Variants in WWOX observed in about 807,000 individuals in gnomAD.
WWOX encodes the protein WW domain containing oxidoreductase, also known as WW domain-containing oxidoreductase.
A neutral mutation model predicts 46.2 loss-of-function variants in WWOX; 69 were observed. The observed-to-expected ratio is 1.49, with a 90% CI of 1.23 to 1.82. WWOX has a LOEUF of 1.82. Ranked by LOEUF, WWOX falls within the 40% of genes most tolerant of loss-of-function variation. WWOX has a pLI of 0.00. For missense variants in WWOX, 919 were observed against 542.6 expected (o/e 1.69, Z -6.89); for synonymous variants, 359 against 202.6 (o/e 1.77, Z -6.56).
intron 8 of WWOX, among the ~76,000 whole-genome samples, chr16:78,545,813 C>A (rs1428475034): frequency 6.6e-6 from 1 of 152,204 alleles, no homozygotes; most frequent in South Asian, 2.1e-4. Flanking sequence ...CGGCCGCCTT[C>A]TTGCTCTGTC....
intron 8 of WWOX, among the ~76,000 whole-genome samples, chr16:78,904,222 T>C (rs558921751): frequency 6.7e-6 from 1 of 149,788 alleles, no homozygotes; most frequent in Non-Finnish European, 1.5e-5. Flanking sequence ...ACTTAGATGA[T>C]CTTATAAATG....
At chr16:78,833,079 T>G (rs1480094419) in intron 8 of WWOX, among the ~76,000 whole-genome samples, 1 of 151,798 alleles carries the variant, frequency 6.6e-6, no homozygotes, top group African/African-American at 2.4e-5. Flanking sequence ...TCTTGCTCTT[T>G]TGCCCAGGCT....
chr16:78,512,174 T>C (rs1479908691), intron 8 of WWOX, among the ~76,000 whole-genome samples: 1 of 152,154 alleles, frequency 6.6e-6, no homozygotes, highest in African/African-American at 2.4e-5. Context: ...TGGTGTTTCC[T>C]CAGAATGGTG....
chr16:78,686,886 T>C (rs1597445536), intron 8 of WWOX, among the ~76,000 whole-genome samples: 1 of 152,332 alleles, frequency 6.6e-6, no homozygotes, highest in East Asian at 1.9e-4. Flanking sequence ...AAAGGCATTT[T>C]TCTGTTGACT....
chr16:78,934,093 T>C (rs892151268), intron 8 of WWOX, among the ~76,000 whole-genome samples: 3 of 151,862 alleles, frequency 2.0e-5, no homozygotes, highest in African/African-American at 7.3e-5. Context: ...CCCAGCACTT[T>C]CGGAGGCCTA....
In WWOX at chr16:79,073,340, C is replaced by T. The variant is rs1232881063; in HGVS notation, c.1057-138268C>T. ...GATTACAGGTGCACGCCGCCATGCC[C>T]GGCTACTTTTTGTATTTTTAGTGGA... On this transcript the variant is annotated intron_variant, in intron 8 of 8. Coordinates refer to ENST00000566780, the MANE Select transcript of WWOX (RefSeq NM_016373.4). 8.6e-5 allele frequency among the ~76,000 whole-genome samples: 13 copies of T among 151,918 alleles called. No individual in the cohort carries two copies. In the East Asian group the frequency reaches 9.7e-4, roughly 11 times the overall value.
chr16:78,906,036 T>C (rs2044955027), intron 8 of WWOX, among the ~76,000 whole-genome samples: 1 of 152,218 alleles, frequency 6.6e-6, no homozygotes, highest in South Asian at 2.1e-4. Context: ...GATGGATGAA[T>C]GAATGAATGA....
chr16:78,921,905 G>A (rs945174011), intron 8 of WWOX, among the ~76,000 whole-genome samples: 2 of 152,196 alleles, frequency 1.3e-5, no homozygotes, highest in African/African-American at 4.8e-5. Context: ...TACAGTTACA[G>A]TTTATTACAG....
intron 8 of WWOX, among the ~76,000 whole-genome samples, chr16:78,861,325 A>C (rs955788383): frequency 6.6e-6 from 1 of 152,150 alleles, no homozygotes; most frequent in Non-Finnish European, 1.5e-5. Context: ...TCCACCTATT[A>C]ACTTATTCAC....
chr16:79,018,623 A>C (rs974865166), intron 8 of WWOX, among the ~76,000 whole-genome samples: 1 of 152,174 alleles, frequency 6.6e-6, no homozygotes, highest in African/African-American at 2.4e-5. Context: ...AGACACCACC[A>C]TTTCAAAGCC....
intron 5 of WWOX, among the ~76,000 whole-genome samples, chr16:78,350,435 T>G (rs998529122): frequency 8.3e-6 from 1 of 120,820 alleles, no homozygotes; most frequent in East Asian, 1.9e-4. Flanking sequence ...GGCATCCTTT[T>G]CCCCACTTCC....
intron 5 of WWOX, among the ~76,000 whole-genome samples, chr16:78,247,703 C>T (rs1453463689): frequency 1.3e-5 from 2 of 152,198 alleles, no homozygotes; most frequent in Non-Finnish European, 2.9e-5. Flanking sequence ...GTCCGTGGAT[C>T]ACCTCACTGT....
At chr16:78,333,916 C>G (rs1424011409) in intron 5 of WWOX, among the ~76,000 whole-genome samples, 2 of 150,092 alleles carry the variant, frequency 1.3e-5, no homozygotes, top group East Asian at 3.9e-4. Context: ...ATCATCTCCT[C>G]CCCCTCTTCT....
intron 5 of WWOX, among the ~76,000 whole-genome samples, chr16:78,230,985 C>T (rs139067009): frequency 9.8e-5 from 15 of 152,346 alleles, no homozygotes; most frequent in East Asian, 3.9e-4. Flanking sequence ...CCCTTATTTA[C>T]GCACTGACTG....
chr16:78,619,320 C>G (rs947172253), intron 8 of WWOX, among the ~76,000 whole-genome samples: 1 of 128,000 alleles, frequency 7.8e-6, no homozygotes, highest in African/African-American at 3.0e-5. Context: ...GCTGAGATCG[C>G]CACTGCACTC....
chr16:78,793,344 A>T (rs1258833133), intron 8 of WWOX, among the ~76,000 whole-genome samples: 7 of 152,178 alleles, frequency 4.6e-5, no homozygotes, highest in Non-Finnish European at 7.4e-5. Context: ...TCCAGGCGTG[A>T]GTCACCATGC....
chr16:78,724,083 C>T (rs1410435780), intron 8 of WWOX, among the ~76,000 whole-genome samples: 5 of 152,128 alleles, frequency 3.3e-5, no homozygotes, highest in African/African-American at 7.2e-5. Context: ...AACCTCTTTA[C>T]CTTGGCAAAA....
intron 5 of WWOX, among the ~76,000 whole-genome samples, chr16:78,291,207 C>A (rs1441836476): frequency 6.6e-6 from 1 of 152,114 alleles, no homozygotes; most frequent in Admixed American, 6.6e-5. Flanking sequence ...AAGAAATATT[C>A]ATAAAATAGC....
Position 78,099,713 on chromosome 16 carries a change from G to GT in WWOX, c.-65dup. ...CGCGCGGGTCTCGTTTGGAGCGGGA[G>GT]TGAGTTCCTGAGCGAGTGGACCCGG... On this transcript the variant is annotated 5_prime_UTR_variant, in exon 1 of 9. Coordinates refer to ENST00000566780, the MANE Select transcript of WWOX (RefSeq NM_016373.4). The GT allele has an allele frequency of 6.7e-7, 1 of 1,489,612 alleles. No individual in the cohort carries two copies. Among genetic ancestry groups the GT allele is most frequent in the Non-Finnish European group, 8.9e-7 (1 of 1,119,926 alleles). 92.3% of individuals were successfully genotyped at this position (1,489,612 alleles called of 1,614,324 possible). A position where few individuals can be genotyped will look rare whatever the true frequency, so the allele number is the denominator to read the frequency against.
Sources: allele counts gnomAD v4.1 joint callset (sites outside exome capture counted in the v4.1 genomes callset), GRCh38; gene constraint gnomAD v4.1.1; transcripts MANE v1.5; gene names NCBI Gene and HGNC (gene_info 2026-07-23, HGNC 2026-07-21).